Variants in PPFIA1 observed in about 807,000 individuals in gnomAD.
The protein encoded by PPFIA1 is liprin-alpha-1.
In PPFIA1, 25 loss-of-function variants were observed where a neutral mutation model predicts 149.9. The ratio of observed to expected loss-of-function variants is 0.17; its 90% CI spans 0.12 to 0.23. PPFIA1 has a LOEUF of 0.23. PPFIA1 is among the 10% of genes least tolerant of loss of function. PPFIA1 has a pLI of 1.00. For missense variants in PPFIA1, 1,362 were observed against 1,506.5 expected (o/e 0.90, Z 1.59); for synonymous variants, 549 against 552.8 (o/e 0.99, Z 0.10).
chr11:70,299,941 C>T (rs1456758529), intron 2 of PPFIA1, among the ~76,000 whole-genome samples: 4 of 152,150 alleles, frequency 2.6e-5, no homozygotes, highest in South Asian at 4.1e-4. Flanking sequence ...TCTGTCTAGG[C>T]GCAGGAACAG....
At chr11:70,335,486 C>T in intron 10 of PPFIA1, 77 bp from the exon 11 acceptor site, 2 of 1,545,588 alleles carry the variant, frequency 1.3e-6, no homozygotes, top group South Asian at 2.3e-5. Context: ...GGGGCTCACC[C>T]TGTTGGTCCT....
At chr11:70,367,312 C>T (rs75252100) in intron 21 of PPFIA1, among the ~76,000 whole-genome samples, 2,015 of 152,324 alleles carry the variant, frequency 0.013, 47 homozygotes, top group African/African-American at 0.045. Flanking sequence ...GCTCTTAAAC[C>T]AGGGAGAACT....
chr11:70,348,193 A>C lies in PPFIA1; in HGVS notation c.1936A>C (p.Ile646Leu). Residue 646 changes from isoleucine (I) to leucine (L), a missense_variant, in exon 16 of 28, where the codon ATT (isoleucine) becomes CTT (leucine). By Grantham distance (5) the Ile-to-Leu change is conservative (BLOSUM62 2). This residue lies in a region of PPFIA1 where 733 missense variants were observed against 744.1 expected (regional missense o/e 0.99). Transcript: ENST00000253925. Reference protein sequence around the residue: ...LDAINKEIRLIQEEKENTEQR... With the variant: ...LDAINKEIRLLQEEKENTEQR... ...ACTGCTTTTGTTTTATTTTAGGTTG[A>C]TTCAGGAAGAAAAAGAAAATACAGA... 1 of 1,614,174 alleles carries C rather than the reference A, an allele frequency of 6.2e-7. No homozygotes were observed. Among genetic ancestry groups the C allele is most frequent in the Non-Finnish European group, 8.5e-7 (1 of 1,180,018 alleles).
intron 2 of PPFIA1, among the ~76,000 whole-genome samples, chr11:70,308,560 A>G (rs2053036077): frequency 6.6e-6 from 1 of 152,230 alleles, no homozygotes; most frequent in South Asian, 2.1e-4. Flanking sequence ...TATAAACTGG[A>G]TGTCATATGT....
chr11:70,313,895 G>A (rs1048484408), intron 2 of PPFIA1, among the ~76,000 whole-genome samples: 1 of 152,188 alleles, frequency 6.6e-6, no homozygotes, highest in Admixed American at 6.5e-5. Context: ...GCGCATGCCT[G>A]TGGTCCCAGA....
chr11:70,333,045 C>A, intron 9 of PPFIA1: 1 of 457,828 alleles, frequency 2.2e-6, no homozygotes, highest in Non-Finnish European at 4.4e-6. Context: ...CTTCTGGGAG[C>A]TCTGCTGCTA....
At chr11:70,367,618 C>A (rs2057011807) in intron 21 of PPFIA1, 1 of 454,836 alleles carries the variant, frequency 2.2e-6, no homozygotes, top group Admixed American at 2.4e-5. Context: ...CTAAGGCAGC[C>A]CAGGAGAAGA....
intron 26 of PPFIA1, chr11:70,381,047 G>A (rs1222700499): frequency 6.6e-6 from 1 of 152,044 alleles, no homozygotes; most frequent in Non-Finnish European, 1.5e-5. Context: ...CAATCCTCCT[G>A]CCTTGACCTC....
At chr11:70,277,779 T>C (rs2050502138) in intron 2 of PPFIA1, among the ~76,000 whole-genome samples, 1 of 151,878 alleles carries the variant, frequency 6.6e-6, no homozygotes, top group Admixed American at 6.6e-5. Flanking sequence ...TGTGAGCCAC[T>C]GCGCCCAGCC....
chr11:70,358,886 A>G (rs1236950251), intron 19 of PPFIA1, among the ~76,000 whole-genome samples: 6 of 152,210 alleles, frequency 3.9e-5, no homozygotes, highest in Admixed American at 6.5e-5. Flanking sequence ...GTGCCTCCAC[A>G]GCACTTTTAG....
At chr11:70,305,529 G>A (rs890448098) in intron 2 of PPFIA1, among the ~76,000 whole-genome samples, 7 of 152,092 alleles carry the variant, frequency 4.6e-5, no homozygotes, top group African/African-American at 1.4e-4. Flanking sequence ...ACACCACCAC[G>A]CCTGGCTATT....
Position 70,330,166 on chromosome 11 carries a change from AAT to A in PPFIA1, c.931-6_931-5del. 6.3e-7 allele frequency: 1 copy of A among 1,585,466 alleles called. No homozygotes were observed. The highest frequency in any genetic ancestry group is 8.6e-7 in the Non-Finnish European group (1 of 1,167,246). ...CTTTTTTGTCCCCTCTGAAATACCT[AAT>A]TTAGGCCATGGCCCAAAAGGAAGAT... On this transcript the variant is annotated splice_polypyrimidine_tract_variant and splice_region_variant and intron_variant, in intron 7 of 27. Transcript: ENST00000253925.
chr11:70,336,119 G>A (rs1333372207), intron 11 of PPFIA1, among the ~76,000 whole-genome samples: 29 of 152,212 alleles, frequency 1.9e-4, no homozygotes, highest in Non-Finnish European at 5.9e-5. Context: ...GCAGTGGGCT[G>A]GTTTTGGCCG....
At chr11:70,288,949 CG>C (rs968865915) in intron 2 of PPFIA1, among the ~76,000 whole-genome samples, 2 of 146,620 alleles carry the variant, frequency 1.4e-5, no homozygotes, top group Non-Finnish European at 3.0e-5. Context: ...GCCACTGTCA[CG>C]GGGGTAGCAT....
intron 2 of PPFIA1, among the ~76,000 whole-genome samples, chr11:70,318,021 G>A (rs947787358): frequency 6.6e-6 from 1 of 151,998 alleles, no homozygotes; most frequent in African/African-American, 2.4e-5. Context: ...TCCCAGCCCT[G>A]CCAGCCTTTC....
In PPFIA1 at chr11:70,343,789, C is replaced by G. The variant is rs770356266; in HGVS notation, c.1828C>G (p.Leu610Val). The change falls in exon 15 of 28, where the codon CTC (leucine) becomes GTC (valine). Residue 610 changes from leucine (L) to valine (V), a missense_variant. Leu to Val is a conservative substitution (Grantham distance 32). Around this residue, in one of 7 missense-constraint regions of PPFIA1, gnomAD observed 733 missense variants for 744.1 expected, o/e 0.99. Coordinates refer to ENST00000253925, the MANE Select transcript of PPFIA1 (RefSeq NM_003626.5). The stretch of plus-strand genomic sequence containing the variant: ...TGATGGTGAAGATGACAGGGACACT[C>G]TCCTCAGCTCAGTTGACCTGCTATC... Reference protein sequence around the residue: ...VSDGEDDRDTLLSSVDLLSPS... With the variant: ...VSDGEDDRDTVLSSVDLLSPS... The G allele has an allele frequency of 6.2e-7, 1 of 1,614,236 alleles. No individual in the cohort carries two copies. Among genetic ancestry groups the G allele is most frequent in the South Asian group, 1.1e-5 (1 of 91,088 alleles).
chr11:70,314,416 G>A (rs2053471675), intron 2 of PPFIA1, among the ~76,000 whole-genome samples: 1 of 152,108 alleles, frequency 6.6e-6, no homozygotes, highest in Admixed American at 6.5e-5. Context: ...GTGTATTCTG[G>A]TCATGTCCTT....
chr11:70,280,426 G>T (rs1484438806), intron 2 of PPFIA1, among the ~76,000 whole-genome samples: 1 of 151,894 alleles, frequency 6.6e-6, no homozygotes, highest in African/African-American at 2.4e-5. Flanking sequence ...AAAAATAGCC[G>T]GGCATGGTGG....
intron 19 of PPFIA1, among the ~76,000 whole-genome samples, chr11:70,356,679 G>A (rs1293017442): frequency 6.6e-6 from 1 of 152,226 alleles, no homozygotes; most frequent in East Asian, 1.9e-4. Context: ...TGTGCATACA[G>A]TTCTTTAAAC....
Sources: gnomAD v4.1 joint callset for allele counts (sites outside exome capture counted in the v4.1 genomes callset) on GRCh38, gnomAD v4.1.1 for gene constraint, gnomAD v4.1.1 regional missense constraint, MANE v1.5 for transcripts, NCBI Gene and HGNC (gene_info 2026-07-23, HGNC 2026-07-21) for gene names.